The following KNTC1 variants were observed in gnomAD, a reference collection of about 807,000 sequenced individuals.
KNTC1 encodes the protein kinetochore associated 1.
Under a neutral mutation model 314.4 loss-of-function variants are expected in KNTC1, and 253 were observed. That is an observed-to-expected ratio of 0.80 (90% CI 0.73 to 0.89). KNTC1 has a LOEUF of 0.89. KNTC1 is among the 40% of genes least tolerant of loss of function. KNTC1 has a pLI of 0.00. For missense variants in KNTC1, 2,475 were observed against 2,572.9 expected, an observed-to-expected ratio of 0.96 and a Z score of 0.82; for synonymous variants, 901 against 901.4, an observed-to-expected ratio of 1.00 and a Z score of 0.01.
At chr12:122,540,396 T>C (rs899144357) in intron 5 of KNTC1, among the ~76,000 whole-genome samples, 2 of 152,156 alleles carry the variant, frequency 1.3e-5, no homozygotes, top group East Asian at 3.8e-4. Context: ...GGTCTTGAAC[T>C]CCTGACCTCA....
At chr12:122,613,007 T>A (rs1021897652) in intron 53 of KNTC1, 105 bp from the exon 54 acceptor site, 4 of 705,750 alleles carry the variant, frequency 5.7e-6, no homozygotes, top group Non-Finnish European at 1.0e-5. Context: ...AGATTGACTT[T>A]ACATTTTAAA....
chr12:122,550,441 C>T (rs893602646), intron 13 of KNTC1, among the ~76,000 whole-genome samples: 18 of 150,452 alleles, frequency 1.2e-4, no homozygotes, highest in Admixed American at 5.9e-4. Context: ...TACTTTAAAG[C>T]TATTTTTTTT....
chr12:122,550,558 C>T (rs971753526), intron 13 of KNTC1, among the ~76,000 whole-genome samples: 2 of 151,946 alleles, frequency 1.3e-5, no homozygotes, highest in East Asian at 3.9e-4. Context: ...GTTGTAGTAC[C>T]GTCGCTCAAT....
At chr12:122,616,266 CTTT>C (rs398056023) in intron 57 of KNTC1, among the ~76,000 whole-genome samples, 1 of 142,886 alleles carries the variant, frequency 7.0e-6, no homozygotes, top group Non-Finnish European at 1.5e-5. Flanking sequence ...TAGAGATTTC[CTTT>C]TTTTTTTTTT....
chr12:122,617,428 G>T (rs1873887690), intron 57 of KNTC1: 1 of 448,334 alleles, frequency 2.2e-6, no homozygotes. Flanking sequence ...TTGCTATGTT[G>T]CCTAGGCTGG....
intron 8 of KNTC1, among the ~76,000 whole-genome samples, chr12:122,545,502 G>T (rs1593503856): frequency 6.6e-6 from 1 of 152,086 alleles, no homozygotes; most frequent in Non-Finnish European, 1.5e-5. Flanking sequence ...GGGTTTCAAA[G>T]AATTTAAAAT....
intron 51 of KNTC1, among the ~76,000 whole-genome samples, chr12:122,608,460 A>G (rs963211553): frequency 6.6e-6 from 1 of 152,160 alleles, no homozygotes; most frequent in African/African-American, 2.4e-5. Context: ...CAATTTTTAT[A>G]TCATTTGGCA....
At chr12:122,602,130 T>C (rs1408937118) in intron 45 of KNTC1, among the ~76,000 whole-genome samples, 1 of 151,752 alleles carries the variant, frequency 6.6e-6, no homozygotes, top group African/African-American at 2.4e-5. Context: ...TAATATTATG[T>C]TAATAAGACT....
At chr12:122,534,844 A>G in intron 3 of KNTC1, 60 bp downstream of exon 3, 1 of 1,519,930 alleles carries the variant, frequency 6.6e-7, no homozygotes, top group Non-Finnish European at 9.1e-7. Context: ...TCTGCTGCCA[A>G]TTTCTGCTGG....
intron 60 of KNTC1, among the ~76,000 whole-genome samples, chr12:122,621,216 T>G (rs1028675300): frequency 2.6e-4 from 40 of 152,298 alleles, no homozygotes; most frequent in Admixed American, 1.6e-3. Flanking sequence ...TAAAAATAAC[T>G]CTCATTTCCT....
At chr12:122,618,948 A>G (rs1874096319) in intron 59 of KNTC1, among the ~76,000 whole-genome samples, 1 of 151,292 alleles carries the variant, frequency 6.6e-6, no homozygotes, top group Non-Finnish European at 1.5e-5. Context: ...ACGCCCGGCT[A>G]TTATTTGTAA....
At chr12:122,621,836 A>G (rs1281605995) in intron 60 of KNTC1, 45 bp from the exon 61 acceptor site, 1 of 1,291,822 alleles carries the variant, frequency 7.7e-7, no homozygotes, top group Non-Finnish European at 1.1e-6. Flanking sequence ...CTGTTGGAAT[A>G]AATAATAACA....
chr12:122,594,463 G>T (rs1369634804), intron 43 of KNTC1, 78 bp downstream of exon 43: 3 of 830,468 alleles, frequency 3.6e-6, no homozygotes, highest in Admixed American at 4.3e-5. Context: ...TAATAACGAT[G>T]ATTATTTTAT....
chr12:122,585,571 C>T (rs1869142788), intron 36 of KNTC1, 65 bp from the exon 37 acceptor site: 4 of 1,545,580 alleles, frequency 2.6e-6, no homozygotes, highest in Middle Eastern at 1.7e-4. Flanking sequence ...AAGCCATAGA[C>T]CAGAAGAAAC....
intron 54 of KNTC1, 89 bp downstream of exon 54, chr12:122,613,319 A>G (rs1873387200): frequency 2.3e-6 from 2 of 866,668 alleles, no homozygotes; most frequent in Non-Finnish European, 3.7e-6. Context: ...TCAGAAGAGC[A>G]TAGTAGAGTA....
chr12:122,584,225 C>G lies in KNTC1; in HGVS notation c.3264-53C>G, dbSNP rs940102303. The G allele has an allele frequency of 4.7e-6, 6 of 1,269,502 alleles. No individual in the cohort carries two copies. The East Asian group carries it at 1.2e-4, about 25-fold the overall frequency. 78.6% of individuals were successfully genotyped at this position (1,269,502 alleles called of 1,614,324 possible). On this transcript the variant is annotated intron_variant, in intron 34 of 63. Transcript: ENST00000333479. ...ATATATTAATCCAAGAAAGGCCATG[C>G]GTTCACTTTCAATGTGAGTATTCTA... is the stretch of plus-strand genomic sequence containing the variant.
At chr12:122,570,526 A>AT (rs2137907270) in intron 22 of KNTC1, among the ~76,000 whole-genome samples, 1 of 151,974 alleles carries the variant, frequency 6.6e-6, no homozygotes, top group Admixed American at 6.5e-5. Context: ...AAAAAAAAAA[A>AT]GAAAGAATAA....
At chr12:122,572,825 TCTTACGTGC>T (rs889735904) in intron 24 of KNTC1, 103 bp from the exon 25 acceptor site, 14 of 853,178 alleles carry the variant, frequency 1.6e-5, no homozygotes, top group Non-Finnish European at 2.1e-5. Context: ...GCAGGTTTCC[TCTTACGTGC>T]ATAACCAGGG....
At position 122,573,046 on chromosome 12, in the gene KNTC1, A is replaced by G; in HGVS notation, c.2129A>G (p.Asp710Gly). 6.2e-7 allele frequency: 1 copy of G among 1,612,470 alleles called. No individual in the cohort carries two copies. Among genetic ancestry groups the G allele is most frequent in the South Asian group, 1.1e-5 (1 of 90,838 alleles). The change falls in exon 25 of 64, where the codon GAT (aspartate) becomes GGT (glycine). Residue 710 changes from aspartate (D) to glycine (G), a missense_variant. Coordinates refer to ENST00000333479, the MANE Select transcript of KNTC1 (RefSeq NM_014708.6). The part of the protein sequence containing the change: ...RKYNCKLALS[D>G]FEKENTTTIV... ...TACAACTGCAAATTAGCCCTCTCTG[A>G]TTTTGAGAAGGTAAAGTCCAGGGTC...
Sources: allele counts gnomAD v4.1 joint callset (sites outside exome capture counted in the v4.1 genomes callset), GRCh38; gene constraint gnomAD v4.1.1; transcripts MANE v1.5; gene names NCBI Gene and HGNC (gene_info 2026-07-23, HGNC 2026-07-21).